ULK2: variants seen among roughly 807,000 people sequenced by gnomAD.
ULK2 encodes the protein unc-51 like autophagy activating kinase 2.
ULK2 carries 76 observed loss-of-function variants against 127.5 expected under a neutral mutation model. The observed-to-expected ratio is 0.60, with a 90% CI of 0.50 to 0.72. ULK2 has a LOEUF of 0.72. ULK2 is among the 30% of genes least tolerant of loss of function. The pLI, the probability that ULK2 is intolerant of heterozygous loss-of-function variation, is 0.00. For missense variants in ULK2, 1,144 were observed against 1,295.9 expected, an observed-to-expected ratio of 0.88 and a Z score of 1.80; for synonymous variants, 452 against 461.9, an observed-to-expected ratio of 0.98 and a Z score of 0.28.
chr17:19,841,209 CG>C (rs1206335127), intron 9 of ULK2, among the ~76,000 whole-genome samples: 2 of 152,122 alleles, frequency 1.3e-5, no homozygotes, highest in African/African-American at 4.8e-5. Context: ...CTACTTTATG[CG>C]TATCTATTCT....
intron 19 of ULK2, 122 bp downstream of exon 19, chr17:19,795,973 C>T: frequency 7.4e-7 from 1 of 1,354,836 alleles, no homozygotes; most frequent in African/African-American, 1.5e-5. Context: ...TGGTACATAT[C>T]AATAACCATA....
intron 21 of ULK2, among the ~76,000 whole-genome samples, chr17:19,784,778 G>A (rs189875580): frequency 6.8e-4 from 103 of 151,626 alleles, no homozygotes; most frequent in African/African-American, 2.2e-3. Flanking sequence ...CTCCTGCCTC[G>A]GCCTCCCAAA....
intron 13 of ULK2, among the ~76,000 whole-genome samples, chr17:19,814,443 T>A (rs1482504624): frequency 0.063 from 1,066 of 16,818 alleles, 51 homozygotes; most frequent in African/African-American, 0.17. Flanking sequence ...TATATATTTT[T>A]TTTTTTTTTT....
intron 9 of ULK2, among the ~76,000 whole-genome samples, chr17:19,841,245 C>T (rs1004212353): frequency 6.6e-5 from 10 of 152,172 alleles, no homozygotes; most frequent in African/African-American, 2.4e-4. Flanking sequence ...ACCCTCCCCA[C>T]AAGGAACACA....
intron 12 of ULK2, among the ~76,000 whole-genome samples, chr17:19,823,868 G>C (rs995089728): frequency 3.9e-5 from 6 of 152,182 alleles, no homozygotes; most frequent in African/African-American, 1.4e-4. Flanking sequence ...AGAAAGGTTT[G>C]CTGCCAGTTT....
intron 16 of ULK2, among the ~76,000 whole-genome samples, chr17:19,801,555 C>G (rs2087397826): frequency 6.6e-6 from 1 of 152,116 alleles, no homozygotes; most frequent in Non-Finnish European, 1.5e-5. Flanking sequence ...GCACTCCAGC[C>G]TGGGCGACAG....
At chr17:19,851,933 C>A (rs1032985418) in intron 3 of ULK2, among the ~76,000 whole-genome samples, 2 of 149,768 alleles carry the variant, frequency 1.3e-5, no homozygotes, top group Admixed American at 6.7e-5. Flanking sequence ...GTAGTCCCAA[C>A]TACTCAGGAG....
At chr17:19,802,115 C>A (rs1372757737) in intron 15 of ULK2, among the ~76,000 whole-genome samples, 193 bp from the exon 16 acceptor site, 1 of 152,178 alleles carries the variant, frequency 6.6e-6, no homozygotes, top group African/African-American at 2.4e-5. Flanking sequence ...GCCTAATTCC[C>A]AACACTTCCC....
intron 3 of ULK2, among the ~76,000 whole-genome samples, chr17:19,851,554 C>T (rs1356672921): frequency 2.6e-5 from 4 of 151,652 alleles, no homozygotes; most frequent in Non-Finnish European, 5.9e-5. Context: ...GCATGAGAAT[C>T]GCTTGAGCCT....
chr17:19,772,536 G>C lies in ULK2; in HGVS notation c.*3813C>G, dbSNP rs2086749913. The C allele has an allele frequency of 6.6e-6, 1 of 152,200 alleles. No homozygotes were observed. Among genetic ancestry groups the C allele is most frequent in the South Asian group, 2.1e-4 (1 of 4,832 alleles). The allele number at this position is 152,200 out of a possible 1,614,324, so 9.4% of individuals were successfully genotyped here. On this transcript the variant is annotated 3_prime_UTR_variant, in exon 27 of 27. Coordinates refer to ENST00000395544, the MANE Select transcript of ULK2 (RefSeq NM_014683.4). ...ACAATACCAAGTTCTCTGAGCAGTAGCTACTGCCTGCCAAATAATCCTCCT... is the reference window on the plus strand; with the variant it reads ...ACAATACCAAGTTCTCTGAGCAGTACCTACTGCCTGCCAAATAATCCTCCT...
intron 13 of ULK2, among the ~76,000 whole-genome samples, chr17:19,815,706 T>C (rs909369769): frequency 6.6e-6 from 1 of 152,244 alleles, no homozygotes; most frequent in African/African-American, 2.4e-5. Flanking sequence ...GTTTAAAATG[T>C]TTCATGATTT....
chr17:19,823,967 C>A (rs1029679528), intron 12 of ULK2, among the ~76,000 whole-genome samples: 3 of 152,158 alleles, frequency 2.0e-5, no homozygotes, highest in Admixed American at 6.6e-5. Context: ...GTGTCAGACC[C>A]TGCATGCAAT....
chr17:19,795,789 T>A (rs906170476), intron 19 of ULK2, 64 bp from the exon 20 acceptor site: 1 of 1,450,506 alleles, frequency 6.9e-7, no homozygotes, highest in Non-Finnish European at 9.7e-7. Flanking sequence ...GAAGGGTTAA[T>A]AGGAAGTTAG....
At chr17:19,804,588 CAT>C (rs1350420185) in intron 15 of ULK2, 103 bp downstream of exon 15, 14 of 1,272,820 alleles carry the variant, frequency 1.1e-5, no homozygotes, top group Non-Finnish European at 1.5e-5. Flanking sequence ...ATTATACACA[CAT>C]GTAAGACACT....
chr17:19,856,147 A>G (rs1042674767), intron 3 of ULK2: 1 of 152,184 alleles, frequency 6.6e-6, no homozygotes, highest in Non-Finnish European at 1.5e-5. Context: ...AAGTTCTCTC[A>G]TGCCCCTTTC....
chr17:19,815,636 T>C (rs1048198206), intron 13 of ULK2, among the ~76,000 whole-genome samples: 2 of 152,188 alleles, frequency 1.3e-5, no homozygotes, highest in African/African-American at 2.4e-5. Flanking sequence ...TGGCAAAATA[T>C]TGACCTATAT....
intron 21 of ULK2, among the ~76,000 whole-genome samples, chr17:19,785,100 T>C (rs1395824191): frequency 1.3e-5 from 2 of 152,200 alleles, no homozygotes; most frequent in East Asian, 3.8e-4. Flanking sequence ...AGTTTTGGTA[T>C]TAACCTATTT....
At chr17:19,850,466 C>T (rs570962707) in intron 3 of ULK2, among the ~76,000 whole-genome samples, 1 of 152,200 alleles carries the variant, frequency 6.6e-6, no homozygotes, top group South Asian at 2.1e-4. Flanking sequence ...ATTTTTATAA[C>T]GATAACTAAA....
rs542331794 is a variant in ULK2 at position 19,796,717 on chromosome 17, G to A, written c.1810-435C>T. ...CTACAACTCTTTCTGTGAACGGCCCGGTCCCCTAGCCCGCTCCTTCACTGG... is the reference window on the plus strand; with the variant it reads ...CTACAACTCTTTCTGTGAACGGCCCAGTCCCCTAGCCCGCTCCTTCACTGG... On this transcript the variant is annotated intron_variant, in intron 18 of 26. Transcript: ENST00000395544. Among the ~76,000 whole-genome samples, 50 of 152,178 alleles carry A rather than the reference G, an allele frequency of 3.3e-4. No individual in the cohort carries two copies. In the South Asian group the frequency reaches 6.9e-3, roughly 21 times the overall value.
Sources: gnomAD v4.1 joint callset for allele counts (sites outside exome capture counted in the v4.1 genomes callset) on GRCh38, gnomAD v4.1.1 for gene constraint, MANE v1.5 for transcripts, NCBI Gene and HGNC (gene_info 2026-07-23, HGNC 2026-07-21) for gene names.